The following CECR2 variants were observed in gnomAD, a reference collection of about 807,000 sequenced individuals.
The protein encoded by CECR2 is CECR2 histone acetyl-lysine reader.
Under a neutral mutation model 154.5 loss-of-function variants are expected in CECR2, and 30 were observed. That is an observed-to-expected ratio of 0.19 (90% CI 0.15 to 0.26). The LOEUF (loss-of-function observed/expected upper bound fraction) is 0.26. CECR2 is among the 10% of genes least tolerant of loss of function. The probability of loss-of-function intolerance (pLI) is 1.00; values close to 1 mark genes in which losing one functional copy is unlikely to be tolerated. For missense variants in CECR2, 1,743 were observed against 1,829.3 expected (o/e 0.95, Z 0.86); for synonymous variants, 725 against 683.7 (o/e 1.06, Z -0.94).
At chr22:17,366,467 G>C (rs1164167109), upstream of CECR2, among the ~76,000 whole-genome samples, 1 of 152,160 alleles carries the variant, frequency 6.6e-6, no homozygotes, top group East Asian at 1.9e-4. Flanking sequence ...GATTACAGGC[G>C]TCACCTACCG....
intron 1 of CECR2, among the ~76,000 whole-genome samples, chr22:17,463,653 C>T (rs1307445698): frequency 6.6e-6 from 1 of 151,886 alleles, no homozygotes; most frequent in South Asian, 2.1e-4. Flanking sequence ...ATCCAAAGCT[C>T]GGTTTGGTTC....
chr22:17,526,249 T>C (rs2056262615), intron 9 of CECR2, among the ~76,000 whole-genome samples: 1 of 152,178 alleles, frequency 6.6e-6, no homozygotes, highest in South Asian at 2.1e-4. Flanking sequence ...TGACTTCAAA[T>C]TGTATTTCAG....
chr22:17,545,390 A>AAAAG lies in CECR2; in HGVS notation c.2860+2390_2860+2391insGAAA, dbSNP rs1555933374. Among the ~76,000 whole-genome samples, 15 of 149,730 alleles carry AAAAG rather than the reference A, an allele frequency of 1.0e-4. 1 individual carries two copies. Among genetic ancestry groups the AAAAG allele is most frequent in the African/African-American group, 3.3e-4 (13 of 39,664 alleles). The stretch of plus-strand genomic sequence containing the variant: ...ACTCCGTCTCAAAAAAAAAAAAAAA[A>AAAAG]AAAAAAAGAAATGCCGTTTAAGAGG... On this transcript the variant is annotated intron_variant, in intron 16 of 18. Transcript: ENST00000262608.
At chr22:17,551,311 C>T (rs751291215) in intron 17 of CECR2, among the ~76,000 whole-genome samples, 50 of 152,102 alleles carry the variant, frequency 3.3e-4, no homozygotes, top group Non-Finnish European at 5.7e-4. Context: ...CTTTTAGAGT[C>T]GTTTCTTTGT....
At chr22:17,491,716 A>C (rs1249067996) in intron 2 of CECR2, among the ~76,000 whole-genome samples, 1 of 152,110 alleles carries the variant, frequency 6.6e-6, no homozygotes, top group Non-Finnish European at 1.5e-5. Context: ...TCATCTGTAC[A>C]GTATTTAGGT....
At chr22:17,508,016 G>A (rs559096027) in intron 7 of CECR2, among the ~76,000 whole-genome samples, 6 of 152,186 alleles carry the variant, frequency 3.9e-5, no homozygotes, top group African/African-American at 7.2e-5. Flanking sequence ...TACTCTGTTC[G>A]TTCTGATATA....
chr22:17,440,948 T>TG (rs990713868), intron 1 of CECR2, among the ~76,000 whole-genome samples: 10 of 55,914 alleles, frequency 1.8e-4, no homozygotes, highest in Non-Finnish European at 2.2e-4. Context: ...ACACTGTTTT[T>TG]GGGGGGGAGG....
At chr22:17,504,733 G>A (rs1271189597) in intron 6 of CECR2, 114 bp from the exon 7 acceptor site, 13 of 897,658 alleles carry the variant, frequency 1.4e-5, no homozygotes, top group Non-Finnish European at 2.0e-5. Context: ...GAGCCACCGC[G>A]CCCGGCCGAG....
At chr22:17,368,429 C>T (rs1410231067), upstream of CECR2, among the ~76,000 whole-genome samples, 1 of 152,154 alleles carries the variant, frequency 6.6e-6, no homozygotes, top group African/African-American at 2.4e-5. Context: ...GATGCAAGTG[C>T]GACGACCAAT....
rs1217467280 is a variant in CECR2 at position 17,548,428 on chromosome 22, A to G, written c.3141A>G (p.Ala1047=). The change falls in exon 17 of 19, where the codon GCA becomes GCG. Residue 1047 remains alanine, a synonymous_variant. Coordinates refer to ENST00000262608, the MANE Select transcript of CECR2 (RefSeq NM_001290047.2). ...QGCVRDLSTV[A]DRGALSENGV... ...GCGTGAGAGACCTCTCCACGGTGGC[A>G]GACAGGGGCGCTCTATCCGAGAACG... The G allele has an allele frequency of 6.2e-6, 10 of 1,613,898 alleles. No individual in the cohort carries two copies. The highest frequency in any genetic ancestry group is 8.5e-6 in the Non-Finnish European group (10 of 1,179,892).
In CECR2 at chr22:17,554,754, GT is replaced by G. The variant is rs2056754948; in HGVS notation, c.*1916del. Reference sequence around the variant, plus strand: ...GTGTTCTCACTGGATCCTAATTCTTGTTAGAAACCTATCACTGGCATAACCT... The same window carrying G: ...GTGTTCTCACTGGATCCTAATTCTTGTAGAAACCTATCACTGGCATAACCT... On this transcript the variant is annotated 3_prime_UTR_variant, in exon 19 of 19. Coordinates refer to ENST00000262608, the MANE Select transcript of CECR2 (RefSeq NM_001290047.2). The G allele has an allele frequency of 6.6e-6, 1 of 152,204 alleles. No homozygotes were observed. Among genetic ancestry groups the G allele is most frequent in the African/African-American group, 2.4e-5 (1 of 41,452 alleles). The allele number at this position is 152,204 out of a possible 1,614,324, so 9.4% of individuals were successfully genotyped here.
chr22:17,417,152 C>T (rs1376650290), intron 1 of CECR2, among the ~76,000 whole-genome samples: 3 of 151,850 alleles, frequency 2.0e-5, no homozygotes, highest in East Asian at 3.9e-4. Flanking sequence ...TTACTCCATG[C>T]GTTTCAGAAG....
At chr22:17,523,711 G>A (rs1214944816) in intron 8 of CECR2, among the ~76,000 whole-genome samples, 4 of 139,568 alleles carry the variant, frequency 2.9e-5, no homozygotes, top group Non-Finnish European at 3.0e-5. Flanking sequence ...AGCCAAGATC[G>A]CACCACTGCA....
At position 17,479,765 on chromosome 22, in the gene CECR2, CTT is replaced by C. The variant is rs571664926; in HGVS notation, c.221+2102_221+2103del. Among the ~76,000 whole-genome samples the C allele has an allele frequency of 7.1e-3, 832 of 117,012 alleles. 5 individuals carry two copies. Among genetic ancestry groups the C allele is most frequent in the African/African-American group, 0.024 (733 of 30,930 alleles). 76.8% of individuals were successfully genotyped at this position (117,012 alleles called of 152,430 possible). On this transcript the variant is annotated intron_variant, in intron 2 of 18. Coordinates refer to ENST00000262608, the MANE Select transcript of CECR2 (RefSeq NM_001290047.2). ...TTGACATCCCTACAATGTGGTCTTTCTTTTTTTTTTTTTTTTTTTTGGGACAG... is the reference window on the plus strand; with the variant it reads ...TTGACATCCCTACAATGTGGTCTTTCTTTTTTTTTTTTTTTTTTGGGACAG...
intron 1 of CECR2, among the ~76,000 whole-genome samples, chr22:17,472,920 A>G (rs915788092): frequency 6.6e-6 from 1 of 152,132 alleles, no homozygotes; most frequent in South Asian, 2.1e-4. Context: ...CAGAATGGTA[A>G]ACTGCTTTTC....
chr22:17,454,106 G>A (rs2054815511), intron 1 of CECR2, among the ~76,000 whole-genome samples: 1 of 152,216 alleles, frequency 6.6e-6, no homozygotes, highest in African/African-American at 2.4e-5. Flanking sequence ...AAAGAGTTTA[G>A]CACAGTGTGT....
intron 1 of CECR2, among the ~76,000 whole-genome samples, chr22:17,386,699 C>T (rs79230451): frequency 0.052 from 7,766 of 150,614 alleles, 321 homozygotes; most frequent in African/African-American, 0.12. Context: ...TGTCCAGGCT[C>T]GAGTGCAATG....
At chr22:17,500,874 C>T in intron 5 of CECR2, 139 bp downstream of exon 5, 1 of 634,954 alleles carries the variant, frequency 1.6e-6, no homozygotes, top group Non-Finnish European at 2.7e-6. Flanking sequence ...ATGAAATTAC[C>T]ACATGTGCAG....
At chr22:17,449,714 C>T (rs1734144729) in intron 1 of CECR2, among the ~76,000 whole-genome samples, 1 of 151,988 alleles carries the variant, frequency 6.6e-6, no homozygotes, top group Non-Finnish European at 1.5e-5. Context: ...TGGTCTCGAT[C>T]TCCTGACCTC....
Sources: allele counts gnomAD v4.1 joint callset (sites outside exome capture counted in the v4.1 genomes callset), GRCh38; gene constraint gnomAD v4.1.1; transcripts MANE v1.5; gene names NCBI Gene and HGNC (gene_info 2026-07-23, HGNC 2026-07-21).